SPOCK3: variants seen among roughly 807,000 people sequenced by gnomAD.
The protein encoded by SPOCK3 is SPARC (osteonectin), cwcv and kazal like domains proteoglycan 3, also known as testican-3.
Under a neutral mutation model 56.6 loss-of-function variants are expected in SPOCK3, and 30 were observed. That is an observed-to-expected ratio of 0.53 (90% CI 0.40 to 0.72). The LOEUF is 0.72. Ranked by LOEUF, SPOCK3 falls within the 30% of genes least tolerant of loss-of-function variation. The pLI, the probability that SPOCK3 is intolerant of heterozygous loss-of-function variation, is 0.00. For synonymous variants in SPOCK3, 196 were observed against 183.3 expected (o/e 1.07, Z -0.56); for missense variants, 527 against 530.0 (o/e 0.99, Z 0.06).
At chr4:166,906,482 TAA>T (rs34213978) in intron 5 of SPOCK3, among the ~76,000 whole-genome samples, 3 of 107,456 alleles carry the variant, frequency 2.8e-5, no homozygotes, top group African/African-American at 3.8e-5. Flanking sequence ...GTTGGCTACA[TAA>T]AAAAAAAAAA....
intron 6 of SPOCK3, among the ~76,000 whole-genome samples, chr4:166,819,020 C>T (rs1463310048): frequency 1.3e-5 from 2 of 152,020 alleles, no homozygotes; most frequent in African/African-American, 4.8e-5. Flanking sequence ...TATAAATACT[C>T]TCCTGGTAAT....
At chr4:166,791,606 T>C (rs1014539310) in intron 7 of SPOCK3, among the ~76,000 whole-genome samples, 2 of 152,202 alleles carry the variant, frequency 1.3e-5, no homozygotes, top group African/African-American at 2.4e-5. Flanking sequence ...TTTCAATTTG[T>C]ATTTCTTATT....
intron 2 of SPOCK3, among the ~76,000 whole-genome samples, chr4:167,122,487 A>T (rs1761951410): frequency 6.6e-6 from 1 of 152,218 alleles, no homozygotes; most frequent in Non-Finnish European, 1.5e-5. Context: ...GCCATAAGTT[A>T]CCTTTGTCAT....
At chr4:167,029,488 ATCTT>A (rs1269371512) in intron 3 of SPOCK3, among the ~76,000 whole-genome samples, 1 of 152,022 alleles carries the variant, frequency 6.6e-6, no homozygotes, top group Non-Finnish European at 1.5e-5. Context: ...GGTGAAAATT[ATCTT>A]TCTGTGTGTC....
chr4:166,983,729 T>G (rs763230956), intron 4 of SPOCK3, among the ~76,000 whole-genome samples: 1 of 152,038 alleles, frequency 6.6e-6, no homozygotes, highest in Non-Finnish European at 1.5e-5. Context: ...AATAAAATAT[T>G]CAAATCATAG....
chr4:167,075,497 A>G (rs901701715), intron 2 of SPOCK3, among the ~76,000 whole-genome samples: 3 of 151,954 alleles, frequency 2.0e-5, no homozygotes, highest in Non-Finnish European at 4.4e-5. Flanking sequence ...AATTTCTGAT[A>G]AAAATCTACG....
intron 3 of SPOCK3, among the ~76,000 whole-genome samples, chr4:167,046,336 C>T (rs1753712237): frequency 6.6e-6 from 1 of 151,020 alleles, no homozygotes; most frequent in Non-Finnish European, 1.5e-5. Flanking sequence ...CTTGGTGTTC[C>T]CTGAGCTTCC....
intron 2 of SPOCK3, among the ~76,000 whole-genome samples, chr4:167,216,902 A>G (rs1034464025): frequency 2.6e-5 from 4 of 152,126 alleles, no homozygotes; most frequent in Non-Finnish European, 5.9e-5. Flanking sequence ...TACATGTAGA[A>G]ACACTTTATT....
chr4:166,929,987 G>T (rs1379052966), intron 4 of SPOCK3, among the ~76,000 whole-genome samples: 1 of 152,062 alleles, frequency 6.6e-6, no homozygotes, highest in Non-Finnish European at 1.5e-5. Context: ...TTTAAAAAAT[G>T]ACATACTTAA....
At chr4:167,160,574 G>A (rs527647233) in intron 2 of SPOCK3, among the ~76,000 whole-genome samples, 93 of 145,510 alleles carry the variant, frequency 6.4e-4, no homozygotes, top group Non-Finnish European at 1.2e-3. Flanking sequence ...AAAAGAGCCC[G>A]CATCGCCAAG....
chr4:166,777,529 C>T (rs892683365), intron 7 of SPOCK3, among the ~76,000 whole-genome samples: 21 of 152,182 alleles, frequency 1.4e-4, no homozygotes, highest in Non-Finnish European at 2.2e-4. Context: ...TTAATCCCAG[C>T]GCTTTGTGAG....
At chr4:167,024,655 C>T (rs1751525967) in intron 3 of SPOCK3, among the ~76,000 whole-genome samples, 1 of 151,778 alleles carries the variant, frequency 6.6e-6, no homozygotes, top group African/African-American at 2.4e-5. Flanking sequence ...TTATGCAGTC[C>T]CAAAGACATG....
intron 5 of SPOCK3, among the ~76,000 whole-genome samples, chr4:166,912,233 A>C (rs941729879): frequency 5.9e-5 from 9 of 152,286 alleles, no homozygotes; most frequent in Non-Finnish European, 1.0e-4. Context: ...TTGGTGGCTT[A>C]AATGAGATAA....
intron 5 of SPOCK3, among the ~76,000 whole-genome samples, chr4:166,908,528 A>T (rs1290939461): frequency 5.1e-5 from 2 of 39,182 alleles, no homozygotes; most frequent in African/African-American, 9.6e-5. Context: ...AAAACCATGC[A>T]CACACACACA....
chr4:167,064,862 A>C (rs1042294255), intron 2 of SPOCK3, among the ~76,000 whole-genome samples: 3 of 151,686 alleles, frequency 2.0e-5, no homozygotes, highest in East Asian at 1.9e-4. Flanking sequence ...TCTGGAATAA[A>C]GGAGGTGCTA....
At chr4:166,833,930 G>T (rs752897157) in intron 6 of SPOCK3, among the ~76,000 whole-genome samples, 1 of 152,156 alleles carries the variant, frequency 6.6e-6, no homozygotes, top group Non-Finnish European at 1.5e-5. Context: ...CTCAAGAGTG[G>T]TCTTGTCTTT....
chr4:166,766,452 G>T (rs559369710), intron 7 of SPOCK3, among the ~76,000 whole-genome samples: 1 of 152,120 alleles, frequency 6.6e-6, no homozygotes, highest in African/African-American at 2.4e-5. Context: ...TAATCATGTG[G>T]TTTTTGTCTT....
chr4:166,875,784 A>T (rs996759960), intron 6 of SPOCK3, among the ~76,000 whole-genome samples: 6 of 152,230 alleles, frequency 3.9e-5, no homozygotes, highest in African/African-American at 1.4e-4. Context: ...TCTAGAATAG[A>T]CAAAGTGCCA....
rs566134754 is a variant in SPOCK3, at chr4:167,141,912, A to T, written c.190-79375T>A. ...TGTAATTAGAACAAAGAAAAAATCTAACTGTCTTTCAGCAAGCAAATAAGC... is the reference window on the plus strand; with the variant it reads ...TGTAATTAGAACAAAGAAAAAATCTTACTGTCTTTCAGCAAGCAAATAAGC... On this transcript the variant is annotated intron_variant, in intron 2 of 10. Transcript: ENST00000357545. 2.6e-5 allele frequency among the ~76,000 whole-genome samples: 4 copies of T among 152,164 alleles called. No individual in the cohort carries two copies. In the South Asian group the frequency reaches 8.3e-4, roughly 32 times the overall value.
Sources: allele counts gnomAD v4.1 joint callset (sites outside exome capture counted in the v4.1 genomes callset), GRCh38; gene constraint gnomAD v4.1.1; transcripts MANE v1.5; gene names NCBI Gene and HGNC (gene_info 2026-07-23, HGNC 2026-07-21).